PRRC2A: variants seen among roughly 807,000 people sequenced by gnomAD.
PRRC2A encodes the protein proline rich coiled-coil 2A.
PRRC2A carries 59 observed loss-of-function variants against 224.6 expected under a neutral mutation model. The ratio of observed to expected loss-of-function variants is 0.26; its 90% CI spans 0.21 to 0.33. The LOEUF (loss-of-function observed/expected upper bound fraction) is 0.33. Ranked by LOEUF, PRRC2A falls within the 10% of genes least tolerant of loss-of-function variation. PRRC2A has a pLI of 1.00. For synonymous variants in PRRC2A, 1,194 were observed against 1,109.5 expected, an observed-to-expected ratio of 1.08 and a Z score of -1.51; for missense variants, 3,095 against 2,880.7, an observed-to-expected ratio of 1.07 and a Z score of -1.70.
At chr6:31,630,553 T>C (rs1316925533) in intron 14 of PRRC2A, 38 bp from the exon 15 acceptor site, 3 of 1,608,030 alleles carry the variant, frequency 1.9e-6, no homozygotes, top group Non-Finnish European at 2.6e-6. Flanking sequence ...GCTTGTGACA[T>C]GAATAGGATT....
chr6:31,624,510 G>A lies in PRRC2A; in HGVS notation c.451G>A (p.Ala151Thr). The A allele has an allele frequency of 6.2e-7, 1 of 1,612,658 alleles. No homozygotes were observed. The highest frequency in any genetic ancestry group is 8.5e-7 in the Non-Finnish European group (1 of 1,178,638). ...GGCACAAGCCAGCGTCACCCATGGA[G>A]CACATGGAGATGGTGAGTGCAGCAC... ...SWAQASVTHG[A>T]HGDGGRASSL... The change falls in exon 5 of 31, where the codon GCA becomes ACA. Residue 151 changes from alanine to threonine, a missense_variant. By Grantham distance (58) the Ala-to-Thr change is moderately conservative (BLOSUM62 0). Coordinates refer to ENST00000376033, the MANE Select transcript of PRRC2A (RefSeq NM_004638.4).
Position 31,636,664 on chromosome 6 carries a change from TTTGA to T in PRRC2A, c.5934+59_5934+62del. The T allele has an allele frequency of 6.3e-7, 1 of 1,594,550 alleles. No individual in the cohort carries two copies. The highest frequency in any genetic ancestry group is 8.6e-7 in the Non-Finnish European group (1 of 1,166,254). On this transcript the variant is annotated intron_variant, in intron 27 of 30. Coordinates refer to ENST00000376033, the MANE Select transcript of PRRC2A (RefSeq NM_004638.4). This position sits in a 1 kb window ranked among gnomAD's most constrained non-coding sequence, Gnocchi z 4.3. ...TTGATTTCTCTGTCCAGTTGCTGGC[TTTGA>T]TTTTCCCTGGTTTTCTGACATTCCT...
chr6:31,628,299 G>A, intron 12 of PRRC2A, 60 bp downstream of exon 12: 1 of 1,535,846 alleles, frequency 6.5e-7, no homozygotes, highest in Non-Finnish European at 8.7e-7. Context: ...GTGCTTAAAG[G>A]TGCAGGGTGG....
rs545081795 is a variant in PRRC2A at position 31,627,152 on chromosome 6, C to T, written c.1244C>T (p.Pro415Leu). The T allele has an allele frequency of 6.2e-7, 1 of 1,613,468 alleles. No homozygotes were observed. The highest frequency in any genetic ancestry group is 8.5e-7 in the Non-Finnish European group (1 of 1,179,862). ...GCCCCAAAGCCTCCCCTACCCCCAC[C>T]TCACCGGGGCCCCGCCGGGAACTGG... ...PPAPKPPLPP[P>L]HRGPAGNWGP... The change falls in exon 11 of 31, where the codon CCT (proline) becomes CTT (leucine). Residue 415 changes from proline (P) to leucine (L), a missense_variant. Physicochemically the swap from Pro to Leu is moderately conservative, Grantham distance 98 (BLOSUM62 -3). Around this residue, in one of 8 missense-constraint regions of PRRC2A, gnomAD observed 2,001 missense variants for 1,764.9 expected, o/e 1.13. Transcript: ENST00000376033. This position sits in a 1 kb window ranked among gnomAD's most constrained non-coding sequence, Gnocchi z 5.6.
chr6:31,631,779 A>T lies in PRRC2A; in HGVS notation c.3106A>T (p.Arg1036Trp). Residue 1036 changes from arginine to tryptophan, a missense_variant, in exon 16 of 31, where the codon AGG becomes TGG. Physicochemically the swap from Arg to Trp is moderately radical, Grantham distance 101. Transcript: ENST00000376033. The surrounding 1 kb of genome is among the most constrained non-coding windows in gnomAD (Gnocchi z 4.5). ...RGRGEYFARGRGFRGTYGGRG... is the reference protein window; with the variant it reads ...RGRGEYFARGWGFRGTYGGRG... ...CCGAGGCGAGTATTTTGCCAGAGGGAGGGGTTTTCGGGGGACCTATGGGGG... is the reference window on the plus strand; with the variant it reads ...CCGAGGCGAGTATTTTGCCAGAGGGTGGGGTTTTCGGGGGACCTATGGGGG... The T allele has an allele frequency of 6.5e-7, 1 of 1,538,894 alleles. No homozygotes were observed.
At chr6:31,630,504 T>C in intron 14 of PRRC2A, 87 bp from the exon 15 acceptor site, 1 of 1,381,726 alleles carries the variant, frequency 7.2e-7, no homozygotes, top group Non-Finnish European at 1.0e-6. Flanking sequence ...ATGGAAGAGC[T>C]GACTTGACCG....
Position 31,622,816 on chromosome 6 carries a change from C to T in PRRC2A, c.27C>T (p.Ala9=). MSDRSGPT[A]KGKDGKKYSS... ...TGTCCGATCGCTCGGGGCCGACTGCCAAGGGAAAGGATGGAAAGAAGTATT... is the reference window on the plus strand; with the variant it reads ...TGTCCGATCGCTCGGGGCCGACTGCTAAGGGAAAGGATGGAAAGAAGTATT... The change falls in exon 2 of 31, where the codon GCC becomes GCT. Residue 9 remains alanine (A), a synonymous_variant. Coordinates refer to ENST00000376033, the MANE Select transcript of PRRC2A (RefSeq NM_004638.4). The T allele has an allele frequency of 6.2e-7, 1 of 1,613,984 alleles. No individual in the cohort carries two copies. Among genetic ancestry groups the T allele is most frequent in the Non-Finnish European group, 8.5e-7 (1 of 1,179,998 alleles).
In PRRC2A at chr6:31,625,852, C is replaced by A. The variant is rs766438875; in HGVS notation, c.820C>A (p.Pro274Thr). The change falls in exon 8 of 31, where the codon CCC becomes ACC. Residue 274 changes from proline to threonine, a missense_variant. Physicochemically the swap from Pro to Thr is conservative, Grantham distance 38. Around this residue, in one of 8 missense-constraint regions of PRRC2A, gnomAD observed 287 missense variants for 275.3 expected, o/e 1.04. Coordinates refer to ENST00000376033, the MANE Select transcript of PRRC2A (RefSeq NM_004638.4). This position sits in a 1 kb window ranked among gnomAD's most constrained non-coding sequence, Gnocchi z 4.1. ...PYGPQGPYRYPTPDGPSRFPR... is the reference protein window; with the variant it reads ...PYGPQGPYRYTTPDGPSRFPR... ...TGGACCCCAGGGGCCTTACCGATAC[C>A]CCACTCCTGATGGGCCCAGGTGAGC... is the stretch of plus-strand genomic sequence containing the variant. The A allele has an allele frequency of 2.5e-6, 4 of 1,589,584 alleles. No individual in the cohort carries two copies. Among genetic ancestry groups the A allele is most frequent in the Middle Eastern group, 1.7e-4 (1 of 6,018 alleles).
chr6:31,625,234 C>T lies in PRRC2A; in HGVS notation c.527C>T (p.Ala176Val). 3 of 1,613,160 alleles carry T rather than the reference C, an allele frequency of 1.9e-6. No individual in the cohort carries two copies. Among genetic ancestry groups the T allele is most frequent in the Non-Finnish European group, 2.5e-6 (3 of 1,180,036 alleles). The change falls in exon 6 of 31, where the codon GCT (alanine) becomes GTT (valine). Residue 176 changes from alanine to valine, a missense_variant. By Grantham distance (64) the Ala-to-Val change is moderately conservative. Around this residue, in one of 8 missense-constraint regions of PRRC2A, gnomAD observed 287 missense variants for 275.3 expected, o/e 1.04. Transcript: ENST00000376033. The surrounding 1 kb of genome is among the most constrained non-coding windows in gnomAD (Gnocchi z 4.1). The part of the protein sequence containing the change: ...SREEFPTLQA[A>V]GDQDKAAKER... ...GAGGAATTTCCGACCCTGCAGGCGGCTGGCGACCAGGACAAGGCTGCCAAG... is the reference window on the plus strand; with the variant it reads ...GAGGAATTTCCGACCCTGCAGGCGGTTGGCGACCAGGACAAGGCTGCCAAG...
At position 31,629,250 on chromosome 6, in the gene PRRC2A, T is replaced by A; in HGVS notation, c.1872T>A (p.Gly624=). The part of the protein sequence containing the change: ...PKVEPKGDGI[G]PTRQPPSQGL... ...TGGAACCCAAGGGTGATGGGATTGGTCCCACCCGCCAGCCCCCTAGTCAGG... is the reference window on the plus strand; with the variant it reads ...TGGAACCCAAGGGTGATGGGATTGGACCCACCCGCCAGCCCCCTAGTCAGG... Residue 624 remains glycine (G), a synonymous_variant, in exon 13 of 31, where the codon GGT becomes GGA. Transcript: ENST00000376033. 1 of 1,612,660 alleles carries A rather than the reference T, an allele frequency of 6.2e-7. No homozygotes were observed. The highest frequency in any genetic ancestry group is 8.5e-7 in the Non-Finnish European group (1 of 1,179,278).
Position 31,622,694 on chromosome 6 carries a change from C to G in PRRC2A, c.-96C>G. 1.2e-6 allele frequency: 1 copy of G among 858,548 alleles called. No homozygotes were observed. 53.2% of individuals were successfully genotyped at this position (858,548 alleles called of 1,614,324 possible). On this transcript the variant is annotated 5_prime_UTR_variant, in exon 2 of 31. Coordinates refer to ENST00000376033, the MANE Select transcript of PRRC2A (RefSeq NM_004638.4). The stretch of plus-strand genomic sequence containing the variant: ...TTTCTGTTATGGTCTGTACAGGGGA[C>G]AGAGACTGAGACACTTGCTGTCTGG...
Position 31,632,912 on chromosome 6 carries a change from A to T in PRRC2A, c.4239A>T (p.Gly1413=). 1 of 1,612,626 alleles carries T rather than the reference A, an allele frequency of 6.2e-7. No homozygotes were observed. The highest frequency in any genetic ancestry group is 1.1e-5 in the South Asian group (1 of 91,062). ...GKAGSSGSSS[G]GGGGGPGGRT... ...CTGGCAGCAGTGGCAGCAGCAGTGG[A>T]GGAGGCGGTGGGGGTCCTGGAGGAA... The change falls in exon 16 of 31, where the codon GGA becomes GGT. Residue 1413 remains glycine, a synonymous_variant. Transcript: ENST00000376033.
At position 31,626,002 on chromosome 6, in the gene PRRC2A, TTTC is replaced by T; in HGVS notation, c.840-15_840-13del. ...GGTTATACAACATGCCATATTTCAT[TTTC>T]TTTTTTGTGTACAGCCGTTTTCCCC... On this transcript the variant is annotated splice_polypyrimidine_tract_variant and intron_variant, in intron 8 of 30. Transcript: ENST00000376033. The T allele has an allele frequency of 6.2e-7, 1 of 1,610,228 alleles. No homozygotes were observed. Among genetic ancestry groups the T allele is most frequent in the Non-Finnish European group, 8.5e-7 (1 of 1,178,740 alleles).
intron 12 of PRRC2A, 30 bp downstream of exon 12, chr6:31,628,269 T>C (rs759216924): frequency 2.5e-5 from 39 of 1,584,338 alleles, no homozygotes; most frequent in Non-Finnish European, 8.6e-7. Flanking sequence ...TACTACCAGA[T>C]GTCAGATCAC....
In PRRC2A at chr6:31,625,787, T is replaced by C. The variant is rs905838936; in HGVS notation, c.760-5T>C. The C allele has an allele frequency of 1.3e-6, 2 of 1,570,628 alleles. No homozygotes were observed. Among genetic ancestry groups the C allele is most frequent in the African/African-American group, 1.4e-5 (1 of 73,860 alleles). ...CTGAGCAGCTACTGTTGGACCCTTT[T>C]ACAGATGTATCCCCCATATCTCCCG... On this transcript the variant is annotated splice_region_variant and splice_polypyrimidine_tract_variant and intron_variant, in intron 7 of 30. Coordinates refer to ENST00000376033, the MANE Select transcript of PRRC2A (RefSeq NM_004638.4). The surrounding 1 kb of genome is among the most constrained non-coding windows in gnomAD (Gnocchi z 4.1).
chr6:31,629,489 G>T, intron 13 of PRRC2A, 59 bp from the exon 14 acceptor site: 3 of 1,417,472 alleles, frequency 2.1e-6, no homozygotes, highest in Admixed American at 1.8e-5. Flanking sequence ...TTTCTTTGCT[G>T]ATTCCTTTGT....
chr6:31,632,038 A>G lies in PRRC2A; in HGVS notation c.3365A>G (p.Lys1122Arg), dbSNP rs1776661498. The G allele has an allele frequency of 6.3e-7, 1 of 1,592,882 alleles. No homozygotes were observed. Among genetic ancestry groups the G allele is most frequent in the African/African-American group, 1.3e-5 (1 of 74,498 alleles). ...GAGAGTGATCTGGCTCCTTCAGACAAGGAGGCTCCCACACCCAAGGAGGGA... is the reference window on the plus strand; with the variant it reads ...GAGAGTGATCTGGCTCCTTCAGACAGGGAGGCTCCCACACCCAAGGAGGGA... The part of the protein sequence containing the change: ...THESDLAPSD[K>R]EAPTPKEGTL... Residue 1122 changes from lysine to arginine, a missense_variant, in exon 16 of 31, where the codon AAG becomes AGG. By Grantham distance (26) the Lys-to-Arg change is conservative. Coordinates refer to ENST00000376033, the MANE Select transcript of PRRC2A (RefSeq NM_004638.4).
At chr6:31,629,983 C>T in intron 14 of PRRC2A, 138 bp downstream of exon 14, 1 of 1,377,448 alleles carries the variant, frequency 7.3e-7, no homozygotes, top group Non-Finnish European at 9.8e-7. Context: ...CTTGGCACTG[C>T]TGAGATAGCT....
In PRRC2A at chr6:31,625,700, G is replaced by A. The variant is rs1017350467; in HGVS notation, c.759+89G>A. On this transcript the variant is annotated intron_variant, in intron 7 of 30. Coordinates refer to ENST00000376033, the MANE Select transcript of PRRC2A (RefSeq NM_004638.4). The surrounding 1 kb of genome is among the most constrained non-coding windows in gnomAD (Gnocchi z 4.1). ...TTAGTCTTTGACCTATGAGATAGAAGGGAGGGTGGGAGGATGATTGATAGC... is the reference window on the plus strand; with the variant it reads ...TTAGTCTTTGACCTATGAGATAGAAAGGAGGGTGGGAGGATGATTGATAGC... 2 of 1,579,842 alleles carry A rather than the reference G, an allele frequency of 1.3e-6. No homozygotes were observed. The highest frequency in any genetic ancestry group is 1.7e-6 in the Non-Finnish European group (2 of 1,149,136).
Sources: allele counts gnomAD v4.1 joint callset, GRCh38; gene constraint gnomAD v4.1.1; regional missense constraint gnomAD v4.1.1; non-coding constraint Gnocchi (gnomAD v3.1); transcripts MANE v1.5; gene names NCBI Gene and HGNC (gene_info 2026-07-23, HGNC 2026-07-21).